Variants in AGO2 observed in about 807,000 individuals in gnomAD.
The protein encoded by AGO2 is protein argonaute-2.
In AGO2, 5 loss-of-function variants were observed where a neutral mutation model predicts 102.3. The ratio of observed to expected loss-of-function variants is 0.05; its 90% CI spans 0.03 to 0.10. The LOEUF (loss-of-function observed/expected upper bound fraction) is 0.10, where lower values mean the gene tolerates loss of function less well. Ranked by LOEUF, AGO2 falls within the 10% of genes least tolerant of loss-of-function variation. The pLI, the probability that AGO2 is intolerant of heterozygous loss-of-function variation, is 1.00. For missense variants in AGO2, 541 were observed against 1,183.7 expected (o/e 0.46, Z 7.97); for synonymous variants, 449 against 473.1 (o/e 0.95, Z 0.66).
rs746056548 is a variant in AGO2, at chr8:140,529,990, G to A, written c.*2054C>T. The A allele has an allele frequency of 3.3e-5, 5 of 152,236 alleles. No individual in the cohort carries two copies. The highest frequency in any genetic ancestry group is 3.9e-4 in the East Asian group (2 of 5,184). The allele number at this position is 152,236 out of a possible 1,614,324, so 9.4% of individuals were successfully genotyped here. ...ATCCATTAATTTAAGCTACGAGCAT[G>A]TCTGTATCCTTCTGAAAACAGGAGA... On this transcript the variant is annotated 3_prime_UTR_variant, in exon 19 of 19. Coordinates refer to ENST00000220592, the MANE Select transcript of AGO2 (RefSeq NM_012154.5).
intron 13 of AGO2, among the ~76,000 whole-genome samples, chr8:140,544,600 C>A (rs1239328886): frequency 2.6e-5 from 4 of 151,922 alleles, no homozygotes; most frequent in African/African-American, 9.7e-5. Context: ...GGAGGGCTCA[C>A]CCTTCTACCC....
chr8:140,606,193 T>C (rs990055369), intron 1 of AGO2, among the ~76,000 whole-genome samples: 6 of 152,166 alleles, frequency 3.9e-5, no homozygotes, highest in African/African-American at 9.7e-5. Context: ...GACATTTTAA[T>C]TTGTCTGAAG....
chr8:140,633,299 T>G (rs2074364256), intron 1 of AGO2, among the ~76,000 whole-genome samples: 1 of 152,240 alleles, frequency 6.6e-6, no homozygotes, highest in Admixed American at 6.5e-5. Flanking sequence ...CCTTAATGTG[T>G]AGCATAAAAT....
intron 1 of AGO2, among the ~76,000 whole-genome samples, chr8:140,595,257 C>T (rs961163194): frequency 6.6e-6 from 1 of 152,118 alleles, no homozygotes; most frequent in Non-Finnish European, 1.5e-5. Context: ...GCTCCATGTA[C>T]TTGTAAGTGG....
rs10661844 is a variant in AGO2, at chr8:140,577,207, C to CAAA, written c.216-4278_216-4276dup. ...TGGGCGACAGAGCAAGACTCCATCT[C>CAAA]AAAAAAAAAAAAAAAAAAAAAGAAA... On this transcript the variant is annotated intron_variant, in intron 2 of 18. Transcript: ENST00000220592. Among the ~76,000 whole-genome samples, 73 of 70,632 alleles carry CAAA rather than the reference C, an allele frequency of 1.0e-3. 2 individuals carry two copies. The highest frequency in any genetic ancestry group is 2.3e-3 in the African/African-American group (36 of 15,948). The allele number at this position is 70,632 out of a possible 152,430, so 46.3% of individuals were successfully genotyped here. A position where few individuals can be genotyped will look rare whatever the true frequency, so the allele number is the denominator to read the frequency against.
At position 140,539,276 on chromosome 8, in the gene AGO2, A is replaced by C; in HGVS notation, c.2169+44T>G. The C allele has an allele frequency of 1.9e-6, 3 of 1,564,190 alleles. No individual in the cohort carries two copies. The highest frequency in any genetic ancestry group is 1.7e-6 in the Non-Finnish European group (2 of 1,153,132). On this transcript the variant is annotated intron_variant, in intron 16 of 18. Transcript: ENST00000220592. This position sits in a 1 kb window ranked among gnomAD's most constrained non-coding sequence, Gnocchi z 4.7. ...TGAGTGTGCTCGGGGTGTGGGGCTGAGGGGAGAACCGTGCCCCCTGCCTGG... is the reference window on the plus strand; with the variant it reads ...TGAGTGTGCTCGGGGTGTGGGGCTGCGGGGAGAACCGTGCCCCCTGCCTGG...
chr8:140,577,909 T>C (rs1446241850), intron 2 of AGO2, among the ~76,000 whole-genome samples: 1 of 152,208 alleles, frequency 6.6e-6, no homozygotes, highest in Non-Finnish European at 1.5e-5. Flanking sequence ...GTCCAGCTCA[T>C]CCTGCACACC....
intron 1 of AGO2, among the ~76,000 whole-genome samples, chr8:140,597,752 G>C (rs909457176): frequency 2.6e-5 from 4 of 151,966 alleles, no homozygotes; most frequent in African/African-American, 9.7e-5. Flanking sequence ...CGTCCCACAG[G>C]GTTATAACAC....
chr8:140,613,971 T>C (rs1386110506), intron 1 of AGO2, among the ~76,000 whole-genome samples: 1 of 119,240 alleles, frequency 8.4e-6, no homozygotes, highest in Admixed American at 1.2e-4. Context: ...ACCATGATCA[T>C]CCCCAACGCA....
chr8:140,545,524 C>T (rs1235953792), intron 13 of AGO2, among the ~76,000 whole-genome samples: 1 of 152,162 alleles, frequency 6.6e-6, no homozygotes, highest in African/African-American at 2.4e-5. Context: ...TGGATCCTGT[C>T]TCCCCTGATG....
At chr8:140,542,589 A>C (rs1269417169) in intron 14 of AGO2, among the ~76,000 whole-genome samples, 2 of 150,988 alleles carry the variant, frequency 1.3e-5, no homozygotes, top group Non-Finnish European at 2.9e-5. Flanking sequence ...AAAAAAAAAA[A>C]CCAGCCTAAG....
At chr8:140,635,393 G>C in intron 1 of AGO2, 92 bp downstream of exon 1, 3 of 609,486 alleles carry the variant, frequency 4.9e-6, no homozygotes, top group Non-Finnish European at 6.1e-6. Flanking sequence ...GCGGCCCCCC[G>C]ATCCCCGGCC....
intron 3 of AGO2, among the ~76,000 whole-genome samples, chr8:140,568,285 G>C: frequency 2.9e-5 from 1 of 34,724 alleles, no homozygotes; most frequent in Non-Finnish European, 4.4e-5. Flanking sequence ...CCATGTCTGG[G>C]GGAAAAAAAA....
rs752987977 is a variant in AGO2 at position 140,570,339 on chromosome 8, C to A, written c.336+2473G>T. Among the ~76,000 whole-genome samples, 50 of 152,196 alleles carry A rather than the reference C, an allele frequency of 3.3e-4. 1 individual carries two copies. The highest frequency in any genetic ancestry group is 5.9e-5 in the Non-Finnish European group (4 of 68,040). On this transcript the variant is annotated intron_variant, in intron 3 of 18. Transcript: ENST00000220592. ...CTCCCGGGTTCGAGTGATTCTCATG[C>A]TTCAGCCTCCCAAGTAGCTGTGACT...
chr8:140,608,993 C>T (rs1257090793), intron 1 of AGO2, among the ~76,000 whole-genome samples: 1 of 152,180 alleles, frequency 6.6e-6, no homozygotes, highest in Non-Finnish European at 1.5e-5. Flanking sequence ...TCACTGCCTC[C>T]CCAGGCCTAA....
At chr8:140,587,472 C>G (rs2073676672) in intron 1 of AGO2, among the ~76,000 whole-genome samples, 1 of 152,210 alleles carries the variant, frequency 6.6e-6, no homozygotes, top group Admixed American at 6.5e-5. Flanking sequence ...GGCCTTAGAC[C>G]TTGGGGTGCC....
At chr8:140,606,886 G>A (rs892742800) in intron 1 of AGO2, among the ~76,000 whole-genome samples, 2 of 150,768 alleles carry the variant, frequency 1.3e-5, no homozygotes, top group South Asian at 2.1e-4. Flanking sequence ...GTGGTGAGCC[G>A]AGATCACACC....
At position 140,605,444 on chromosome 8, in the gene AGO2, A is replaced by G. The variant is rs534622594; in HGVS notation, c.23-20133T>C. On this transcript the variant is annotated intron_variant, in intron 1 of 18. Transcript: ENST00000220592. ...AAAAAAAATATCAGCAAATGAAGGA[A>G]TGACCAAAGTGAAATGGGATAACCC... Among the ~76,000 whole-genome samples the G allele has an allele frequency of 3.7e-4, 57 of 152,340 alleles. 1 individual carries two copies. In the South Asian group the frequency reaches 5.8e-3, roughly 15 times the overall value.
chr8:140,546,407 C>T (rs922180967), intron 13 of AGO2, among the ~76,000 whole-genome samples: 1 of 152,226 alleles, frequency 6.6e-6, no homozygotes, highest in African/African-American at 2.4e-5. Flanking sequence ...GTAGGACACT[C>T]GGGAACGAGC....
Sources: allele counts gnomAD v4.1 joint callset (sites outside exome capture counted in the v4.1 genomes callset), GRCh38; gene constraint gnomAD v4.1.1; non-coding constraint Gnocchi (gnomAD v3.1); transcripts MANE v1.5; gene names NCBI Gene and HGNC (gene_info 2026-07-23, HGNC 2026-07-21).